The following ARB2A variants were observed in gnomAD, a reference collection of about 807,000 sequenced individuals.
The protein encoded by ARB2A is cotranscriptional regulator ARB2A.
the ARB2A span, among the ~76,000 whole-genome samples, chr5:93,660,640 T>A: frequency 6.6e-6 from 1 of 152,176 alleles, no homozygotes; most frequent in Non-Finnish European, 1.5e-5. Flanking sequence ...AAGTTTGGAT[T>A]TCATTCTTTA....
the ARB2A span, among the ~76,000 whole-genome samples, chr5:93,786,956 T>A: frequency 6.6e-6 from 1 of 152,166 alleles, no homozygotes; most frequent in Non-Finnish European, 1.5e-5. Flanking sequence ...CAGAAGACCA[T>A]AATAGTCTGG....
chr5:93,641,171 G>A, the ARB2A span, among the ~76,000 whole-genome samples: 24 of 151,030 alleles, frequency 1.6e-4, no homozygotes, highest in Non-Finnish European at 7.4e-5. Flanking sequence ...CTGCACTCCA[G>A]CCTGGGTGAC....
At chr5:94,019,905 C>T in the ARB2A span, among the ~76,000 whole-genome samples, 1 of 152,194 alleles carries the variant, frequency 6.6e-6, no homozygotes, top group Admixed American at 6.5e-5. Context: ...CATCAAGGCA[C>T]CAGTGTAATG....
At chr5:93,781,788 C>T in the ARB2A span, 1 of 655,028 alleles carries the variant, frequency 1.5e-6, no homozygotes, top group Non-Finnish European at 1.9e-6. Flanking sequence ...TGATGTCGAG[C>T]ATTTTTTCAT....
the ARB2A span, among the ~76,000 whole-genome samples, chr5:94,028,265 A>C: frequency 6.6e-6 from 1 of 152,184 alleles, no homozygotes; most frequent in Non-Finnish European, 1.5e-5. Context: ...CCAGTAAGAC[A>C]TGTGGGAGCA....
chr5:93,930,295 A>G, the ARB2A span, among the ~76,000 whole-genome samples: 3 of 152,352 alleles, frequency 2.0e-5, no homozygotes, highest in African/African-American at 7.2e-5. Flanking sequence ...GACAATAGAA[A>G]TAACTGATAA....
the ARB2A span, among the ~76,000 whole-genome samples, chr5:93,909,566 C>G: frequency 6.6e-6 from 1 of 150,800 alleles, no homozygotes; most frequent in Non-Finnish European, 1.5e-5. Flanking sequence ...ACCTCTGCCC[C>G]CTGCTGCCCA....
the ARB2A span, among the ~76,000 whole-genome samples, chr5:93,893,037 T>C: frequency 4.6e-5 from 7 of 152,334 alleles, no homozygotes; most frequent in South Asian, 2.1e-4. Flanking sequence ...TCCGATTAAA[T>C]TGAAATATTA....
the ARB2A span, among the ~76,000 whole-genome samples, chr5:94,081,901 C>T: frequency 4.1e-4 from 62 of 152,228 alleles, no homozygotes; most frequent in South Asian, 8.1e-3. Context: ...AACCACTCAC[C>T]TTTCCCTTTA....
the ARB2A span, among the ~76,000 whole-genome samples, chr5:93,939,724 T>A: frequency 6.6e-6 from 1 of 152,136 alleles, no homozygotes; most frequent in South Asian, 2.1e-4. Flanking sequence ...TCTTCAGTGC[T>A]ATTAATATTT....
chr5:93,647,452 TC>T, the ARB2A span, among the ~76,000 whole-genome samples: 1 of 152,184 alleles, frequency 6.6e-6, no homozygotes, highest in Non-Finnish European at 1.5e-5. Context: ...GGTCTCAAAC[TC>T]CTGACCTTGG....
At chr5:93,830,335 ATATATATATATATATATC>A in the ARB2A span, among the ~76,000 whole-genome samples, 1 of 140,404 alleles carries the variant, frequency 7.1e-6, no homozygotes, top group Non-Finnish European at 1.5e-5. Context: ...ATATATATAT[ATATATATATATATATATC>A]CACACACAAT....
chr5:93,747,182 G>A, the ARB2A span, among the ~76,000 whole-genome samples: 3 of 152,082 alleles, frequency 2.0e-5, no homozygotes, highest in South Asian at 2.1e-4. Flanking sequence ...ATGTGATATG[G>A]ACTCAGAGAA....
At chr5:93,777,834 T>A in the ARB2A span, among the ~76,000 whole-genome samples, 2 of 152,122 alleles carry the variant, frequency 1.3e-5, no homozygotes, top group African/African-American at 4.8e-5. Flanking sequence ...AAGGCCCCAG[T>A]CCTCACCAAT....
chr5:93,993,597 A>G, the ARB2A span, among the ~76,000 whole-genome samples: 1 of 152,152 alleles, frequency 6.6e-6, no homozygotes, highest in Non-Finnish European at 1.5e-5. Context: ...ATCTCCAAAG[A>G]TTATGAATTA....
At chr5:94,088,552 G>T in the ARB2A span, among the ~76,000 whole-genome samples, 7 of 152,062 alleles carry the variant, frequency 4.6e-5, no homozygotes, top group Non-Finnish European at 8.8e-5. Flanking sequence ...GCATTGGCAT[G>T]TGCTTGTAGT....
chr5:93,918,629 C>G, the ARB2A span, among the ~76,000 whole-genome samples: 9 of 151,956 alleles, frequency 5.9e-5, no homozygotes, highest in African/African-American at 9.7e-5. Context: ...ACCATGTTGG[C>G]CAGGCTGGCT....
the ARB2A span, among the ~76,000 whole-genome samples, chr5:93,867,656 T>C: frequency 1.8e-4 from 28 of 152,112 alleles, no homozygotes; most frequent in Admixed American, 3.9e-4. Flanking sequence ...GACTTCGTGA[T>C]CTGCCTGCCT....
chr5:93,786,605 T>G, the ARB2A span, among the ~76,000 whole-genome samples: 41 of 152,312 alleles, frequency 2.7e-4, no homozygotes, highest in African/African-American at 7.7e-4. Flanking sequence ...TTAGGATTAG[T>G]AGAATTGTGA....
Sources: gnomAD v4.1 joint callset for allele counts (sites outside exome capture counted in the v4.1 genomes callset) on GRCh38, gnomAD v4.1.1 for gene constraint, MANE v1.5 for transcripts, NCBI Gene and HGNC (gene_info 2026-07-23, HGNC 2026-07-21) for gene names.